Variants in PANK2 observed in about 807,000 individuals in gnomAD.
PANK2 encodes pantothenate kinase 2, mitochondrial.
A neutral mutation model predicts 43.1 loss-of-function variants in PANK2; 36 were observed. That is an observed-to-expected ratio of 0.84 (90% confidence interval 0.64 to 1.10). The LOEUF (loss-of-function observed/expected upper bound fraction) is 1.10. PANK2 is among the 50% of genes least tolerant of loss of function. PANK2 has a pLI of 0.00. For synonymous variants in PANK2, 281 were observed against 238.2 expected, an observed-to-expected ratio of 1.18 and a Z score of -1.66; for missense variants, 576 against 593.3, an observed-to-expected ratio of 0.97 and a Z score of 0.30.
upstream of PANK2, chr20:3,888,932 T>A: frequency 3.4e-6 from 2 of 586,988 alleles, no homozygotes; most frequent in Non-Finnish European, 5.9e-6. Flanking sequence ...CCCTTTCGTC[T>A]GCCGACGACC....
At chr20:3,909,354 A>G (rs2090434427) in intron 2 of PANK2, among the ~76,000 whole-genome samples, 2 of 152,168 alleles carry the variant, frequency 1.3e-5, no homozygotes. Context: ...TGCTGGGATT[A>G]CAGGGGTGAG....
At chr20:3,896,085 G>T (rs1480867734) in intron 1 of PANK2, among the ~76,000 whole-genome samples, 5 of 150,130 alleles carry the variant, frequency 3.3e-5, no homozygotes, top group Admixed American at 2.0e-4. Flanking sequence ...TTTTTGAGAC[G>T]GAGTCTTGCT....
rs199549943 is a variant in PANK2 at position 3,908,049 on chromosome 20, A to G, written c.422A>G (p.Tyr141Cys). The change falls in exon 2 of 7, where the codon TAC (tyrosine) becomes TGC (cysteine). Residue 141 changes from tyrosine to cysteine, a missense_variant. Tyr to Cys is a radical substitution (Grantham distance 194). Around this residue, in one of 2 missense-constraint regions of PANK2, gnomAD observed 544 missense variants for 528.9 expected, o/e 1.03. Coordinates refer to ENST00000610179, the MANE Select transcript of PANK2 (RefSeq NM_001386393.1). Reference sequence around the variant, plus strand: ...GAAAGTCTTAAAAGCATTCGGAAGTACCTGACCTCCAATGTGGCTTATGGG... The same window carrying G: ...GAAAGTCTTAAAAGCATTCGGAAGTGCCTGACCTCCAATGTGGCTTATGGG... 26 of 1,614,164 alleles carry G rather than the reference A, an allele frequency of 1.6e-5. No individual in the cohort carries two copies. Among genetic ancestry groups the G allele is most frequent in the Non-Finnish European group, 1.9e-5 (23 of 1,180,044 alleles).
At chr20:3,893,433 A>G (rs898132944) in intron 1 of PANK2, among the ~76,000 whole-genome samples, 7 of 152,164 alleles carry the variant, frequency 4.6e-5, no homozygotes, top group Admixed American at 2.6e-4. Context: ...AAAATGTACA[A>G]TTTTGGCAAA....
intron 1 of PANK2, 65 bp from the exon 2 acceptor site, chr20:3,907,852 AGTTGCTACT>A: frequency 1.6e-6 from 2 of 1,285,136 alleles, no homozygotes; most frequent in Non-Finnish European, 2.2e-6. Context: ...GTTTGAAATA[AGTTGCTACT>A]GTGGTAAGGG....
At chr20:3,889,382 C>G, upstream of PANK2, 1 of 1,575,334 alleles carries the variant, frequency 6.3e-7, no homozygotes, top group Non-Finnish European at 8.6e-7. Flanking sequence ...CGAGGGCGCG[C>G]CTCTGCTCTG....
At position 3,889,515 on chromosome 20, in the gene PANK2, G is replaced by A; in HGVS notation, c.85G>A (p.Ala29Thr). 1 of 1,442,732 alleles carries A rather than the reference G, an allele frequency of 6.9e-7. No homozygotes were observed. The allele number at this position is 1,442,732 out of a possible 1,614,324, so 89.4% of individuals were successfully genotyped here. ...CGCGCCCATGGAGCGCCACGGCAGG[G>A]CTTCCGCCACCTCCGTCTCGTCGGC... is the stretch of plus-strand genomic sequence containing the variant. The change falls in exon 1 of 7, where the codon GCT becomes ACT. Residue 29 changes from alanine (A) to threonine (T), a missense_variant. Physicochemically the swap from Ala to Thr is moderately conservative, Grantham distance 58. This residue lies in a region of PANK2 where 544 missense variants were observed against 528.9 expected (regional missense o/e 1.03). Transcript: ENST00000610179.
Position 3,889,704 on chromosome 20 carries a change from G to C in PANK2, c.274G>C (p.Glu92Gln). 1 of 1,595,762 alleles carries C rather than the reference G, an allele frequency of 6.3e-7. No individual in the cohort carries two copies. Among genetic ancestry groups the C allele is most frequent in the Non-Finnish European group, 8.5e-7 (1 of 1,179,034 alleles). ...CACCTCGGTCTCCCGCCAGCGCGTC[G>C]AAAGCCTGAGGAAAAAGCGGCCGCG... The change falls in exon 1 of 7, where the codon GAA becomes CAA. Residue 92 changes from glutamate to glutamine, a missense_variant. By Grantham distance (29) the Glu-to-Gln change is conservative. Transcript: ENST00000610179.
At chr20:3,902,996 C>T (rs1234139053) in intron 1 of PANK2, among the ~76,000 whole-genome samples, 1 of 151,106 alleles carries the variant, frequency 6.6e-6, no homozygotes, top group African/African-American at 2.4e-5. Context: ...CACACACACA[C>T]ACACACACAC....
intron 1 of PANK2, among the ~76,000 whole-genome samples, chr20:3,894,523 A>C (rs977999650): frequency 6.6e-5 from 10 of 152,026 alleles, no homozygotes; most frequent in African/African-American, 2.4e-4. Flanking sequence ...TACAGGTGTG[A>C]GCCACCGCAC....
At chr20:3,908,324 T>TA in intron 2 of PANK2, 46 bp downstream of exon 2, 1 of 1,457,662 alleles carries the variant, frequency 6.9e-7, no homozygotes, top group Non-Finnish European at 9.4e-7. Context: ...ATTTGATTGT[T>TA]AAAAATAATG....
At chr20:3,910,954 A>G (rs2090459857) in intron 3 of PANK2, 124 bp downstream of exon 3, 2 of 1,225,072 alleles carry the variant, frequency 1.6e-6, no homozygotes, top group Admixed American at 2.2e-5. Context: ...TATGCAAACA[A>G]ATGTTTCTCT....
At chr20:3,918,538 A>T in intron 5 of PANK2, 133 bp from the exon 6 acceptor site, 1 of 1,227,262 alleles carries the variant, frequency 8.1e-7, no homozygotes, top group Admixed American at 1.8e-5. Flanking sequence ...GTAGCCCTGG[A>T]CCAACTGGAC....
chr20:3,894,658 A>C (rs1004482468), intron 1 of PANK2, among the ~76,000 whole-genome samples: 66 of 151,408 alleles, frequency 4.4e-4, no homozygotes, highest in Non-Finnish European at 7.4e-5. Flanking sequence ...GGCTCACTGC[A>C]ACCTCTGTCT....
At chr20:3,906,980 G>A (rs946588883) in intron 1 of PANK2, among the ~76,000 whole-genome samples, 2 of 151,846 alleles carry the variant, frequency 1.3e-5, no homozygotes, top group Non-Finnish European at 2.9e-5. Context: ...TGTATTTTTA[G>A]TAGAGATAGT....
At chr20:3,909,542 A>G (rs2090436506) in intron 2 of PANK2, among the ~76,000 whole-genome samples, 1 of 149,934 alleles carries the variant, frequency 6.7e-6, no homozygotes, top group Non-Finnish European at 1.5e-5. Flanking sequence ...CAACTTTTTG[A>G]CTAACATGCC....
intron 2 of PANK2, among the ~76,000 whole-genome samples, chr20:3,910,036 T>C (rs1352579680): frequency 6.6e-6 from 1 of 152,236 alleles, no homozygotes; most frequent in African/African-American, 2.4e-5. Flanking sequence ...CAAGAGGCTG[T>C]AGCTAGTTTA....
chr20:3,902,642 G>C (rs2090320224), intron 1 of PANK2, among the ~76,000 whole-genome samples: 1 of 150,846 alleles, frequency 6.6e-6, no homozygotes, highest in Non-Finnish European at 1.5e-5. Context: ...GCTGATCTTG[G>C]ACTCCTGGCT....
At chr20:3,899,543 C>T (rs1447360653) in intron 1 of PANK2, among the ~76,000 whole-genome samples, 1 of 149,514 alleles carries the variant, frequency 6.7e-6, no homozygotes, top group Non-Finnish European at 1.5e-5. Flanking sequence ...TATTAAAATT[C>T]TCTTTCTACC....
Sources: gnomAD v4.1 joint callset for allele counts (sites outside exome capture counted in the v4.1 genomes callset) on GRCh38, gnomAD v4.1.1 for gene constraint, gnomAD v4.1.1 regional missense constraint, MANE v1.5 for transcripts, NCBI Gene and HGNC (gene_info 2026-07-23, HGNC 2026-07-21) for gene names.